ERBB4: variants seen among roughly 807,000 people sequenced by gnomAD.
ERBB4 encodes the protein receptor tyrosine-protein kinase erbB-4.
Under a neutral mutation model 158.0 loss-of-function variants are expected in ERBB4, and 42 were observed. That is an observed-to-expected ratio of 0.27 (90% confidence interval 0.21 to 0.34). The LOEUF is 0.34. Ranked by LOEUF, ERBB4 falls within the 10% of genes least tolerant of loss-of-function variation. The pLI is 1.00. For synonymous variants in ERBB4, 583 were observed against 558.7 expected, an observed-to-expected ratio of 1.04 and a Z score of -0.61; for missense variants, 1,333 against 1,624.1, an observed-to-expected ratio of 0.82 and a Z score of 3.08.
intron 3 of ERBB4, among the ~76,000 whole-genome samples, chr2:211,927,712 G>GT (rs545352921): frequency 0.064 from 9,374 of 146,638 alleles, 331 homozygotes; most frequent in Middle Eastern, 0.12. Context: ...ACTCGCAAAA[G>GT]TTTTTTTTTT....
At chr2:212,024,525 T>C (rs948101226) in intron 2 of ERBB4, among the ~76,000 whole-genome samples, 3 of 151,970 alleles carry the variant, frequency 2.0e-5, no homozygotes, top group African/African-American at 7.2e-5. Context: ...TAGATCTCCA[T>C]ACTTCTTAGA....
chr2:212,335,280 C>T (rs974021482), intron 1 of ERBB4, among the ~76,000 whole-genome samples: 7 of 151,922 alleles, frequency 4.6e-5, no homozygotes, highest in South Asian at 2.1e-4. Context: ...TTATATAATA[C>T]ATAAGATTCA....
chr2:211,716,400 GGC>G, intron 7 of ERBB4, among the ~76,000 whole-genome samples: 1 of 142,906 alleles, frequency 7.0e-6, no homozygotes, highest in Non-Finnish European at 1.5e-5. Context: ...AAAAAGGCCG[GGC>G]GCAGTGGCTC....
chr2:211,583,488 G>A (rs1035042776), intron 19 of ERBB4, among the ~76,000 whole-genome samples: 1 of 146,934 alleles, frequency 6.8e-6, no homozygotes, highest in Non-Finnish European at 1.5e-5. Context: ...CAAGATTTTT[G>A]GAAGTATAGT....
intron 1 of ERBB4, among the ~76,000 whole-genome samples, chr2:212,214,867 G>A (rs2083050426): frequency 6.6e-6 from 1 of 151,496 alleles, no homozygotes; most frequent in Admixed American, 6.6e-5. Context: ...GTTTATTAAT[G>A]GCAGAAGTGT....
intron 1 of ERBB4, among the ~76,000 whole-genome samples, chr2:212,331,056 T>TTTTATATATATATATATATATA (rs1195085255): frequency 1.6e-4 from 4 of 25,270 alleles, no homozygotes; most frequent in African/African-American, 2.5e-4. Flanking sequence ...TATTTGTAAT[T>TTTTATATATATATATATATATA]TGTATATATA....
intron 1 of ERBB4, among the ~76,000 whole-genome samples, chr2:212,189,669 A>G (rs1050747888): frequency 3.3e-5 from 5 of 152,368 alleles, no homozygotes; most frequent in Non-Finnish European, 7.3e-5. Context: ...TATATACTAC[A>G]AAAACATTAA....
chr2:212,084,176 T>A (rs541206360), intron 2 of ERBB4, among the ~76,000 whole-genome samples: 6 of 152,022 alleles, frequency 3.9e-5, no homozygotes, highest in African/African-American at 1.2e-4. Context: ...GGAAGACAAA[T>A]GACTTCTATG....
chr2:212,513,417 A>T (rs1691638161), intron 1 of ERBB4, among the ~76,000 whole-genome samples: 1 of 152,210 alleles, frequency 6.6e-6, no homozygotes, highest in African/African-American at 2.4e-5. Flanking sequence ...ATGTCATGCT[A>T]AATACCTTAT....
Position 211,939,964 on chromosome 2 carries a change from A to T in ERBB4, c.421+7466T>A, listed in dbSNP as rs377348545. Among the ~76,000 whole-genome samples, 1,066 of 137,072 alleles carry T rather than the reference A, an allele frequency of 7.8e-3. 4 individuals are homozygous for T. Among genetic ancestry groups the T allele is most frequent in the Non-Finnish European group, 0.012 (751 of 61,628 alleles). 89.9% of individuals were successfully genotyped at this position (137,072 alleles called of 152,430 possible). A position where few individuals can be genotyped will look rare whatever the true frequency, so the allele number is the denominator to read the frequency against. ...TCCGTCTCAAAAAAAAAGGAAAAAA[A>T]AAATATATATATATATGTATATAGA... On this transcript the variant is annotated intron_variant, in intron 3 of 27. Coordinates refer to ENST00000342788, the MANE Select transcript of ERBB4 (RefSeq NM_005235.3).
At chr2:212,327,885 A>G (rs1377533383) in intron 1 of ERBB4, among the ~76,000 whole-genome samples, 3 of 151,688 alleles carry the variant, frequency 2.0e-5, no homozygotes, top group Non-Finnish European at 2.9e-5. Flanking sequence ...TTTTTGAAAA[A>G]AAAATAAGGC....
At chr2:211,485,687 C>T (rs1196494348) in intron 20 of ERBB4, among the ~76,000 whole-genome samples, 3 of 144,234 alleles carry the variant, frequency 2.1e-5, no homozygotes, top group Non-Finnish European at 4.5e-5. Context: ...TATCCAGGAA[C>T]ATGTCGCACC....
At chr2:211,616,350 C>G (rs902854577) in intron 19 of ERBB4, among the ~76,000 whole-genome samples, 5 of 152,060 alleles carry the variant, frequency 3.3e-5, no homozygotes, top group Non-Finnish European at 7.4e-5. Flanking sequence ...TTGATGAGTC[C>G]TTCACCTCCA....
intron 3 of ERBB4, among the ~76,000 whole-genome samples, chr2:211,795,868 A>G (rs2076372460): frequency 6.6e-6 from 1 of 151,926 alleles, no homozygotes; most frequent in South Asian, 2.1e-4. Flanking sequence ...TAAACTTTAT[A>G]TACTATTTAA....
chr2:211,393,756 T>A (rs1269675309), intron 25 of ERBB4, among the ~76,000 whole-genome samples: 2 of 147,430 alleles, frequency 1.4e-5, no homozygotes, highest in South Asian at 2.1e-4. Flanking sequence ...TGTGTGTGTG[T>A]GTGTGTGTGT....
intron 2 of ERBB4, among the ~76,000 whole-genome samples, chr2:211,969,502 G>A (rs752004705): frequency 8.6e-5 from 13 of 151,854 alleles, no homozygotes; most frequent in East Asian, 7.7e-4. Flanking sequence ...ATGCTTTACC[G>A]TATTTATAAA....
chr2:212,101,647 A>G (rs1402589419), intron 2 of ERBB4, among the ~76,000 whole-genome samples: 1 of 152,076 alleles, frequency 6.6e-6, no homozygotes, highest in Non-Finnish European at 1.5e-5. Context: ...AAAATAATAT[A>G]TAACAAGTAA....
chr2:211,842,735 T>A (rs1440231345), intron 3 of ERBB4, among the ~76,000 whole-genome samples: 3 of 152,136 alleles, frequency 2.0e-5, no homozygotes, highest in Non-Finnish European at 4.4e-5. Context: ...TAATTCTCTA[T>A]TTTGAATAAT....
chr2:212,319,706 C>A (rs893877170), intron 1 of ERBB4, among the ~76,000 whole-genome samples: 2 of 150,224 alleles, frequency 1.3e-5, no homozygotes, highest in Non-Finnish European at 3.0e-5. Context: ...GCTCCAGTGG[C>A]TACAGGTTAT....
Sources: gnomAD v4.1 joint callset for allele counts (sites outside exome capture counted in the v4.1 genomes callset) on GRCh38, gnomAD v4.1.1 for gene constraint, MANE v1.5 for transcripts, NCBI Gene and HGNC (gene_info 2026-07-23, HGNC 2026-07-21) for gene names.